The following AXIN1 variants were observed in gnomAD, a reference collection of about 807,000 sequenced individuals.
The protein encoded by AXIN1 is axin-1.
Under a neutral mutation model 76.4 loss-of-function variants are expected in AXIN1, and 30 were observed. The observed-to-expected ratio is 0.39, with a 90% CI of 0.29 to 0.53. AXIN1 has a LOEUF of 0.53. AXIN1 is among the 20% of genes least tolerant of loss of function. The probability of loss-of-function intolerance (pLI) is 0.66; values close to 1 mark genes in which losing one functional copy is unlikely to be tolerated. For synonymous variants in AXIN1, 545 were observed against 501.4 expected, an observed-to-expected ratio of 1.09 and a Z score of -1.16; for missense variants, 1,140 against 1,198.8, an observed-to-expected ratio of 0.95 and a Z score of 0.72.
In AXIN1 at chr16:344,476, G is replaced by GTT. The variant is rs1170609308; in HGVS notation, c.878+1670_878+1671dup. ...CAATTAACCTACACAATCCTTTTTTGTTTTTTTTTTGTTTTTTTTCTGAGA... is the reference window on the plus strand; with the variant it reads ...CAATTAACCTACACAATCCTTTTTTGTTTTTTTTTTTTGTTTTTTTTCTGAGA... On this transcript the variant is annotated intron_variant, in intron 2 of 10. Transcript: ENST00000262320. Among the ~76,000 whole-genome samples, 152 of 88,926 alleles carry GTT rather than the reference G, an allele frequency of 1.7e-3. 3 individuals carry two copies. The South Asian group carries it at 0.02, about 12-fold the overall frequency. The allele number at this position is 88,926 out of a possible 152,430, so 58.3% of individuals were successfully genotyped here.
rs2141702028 is a variant in AXIN1 at position 346,336 on chromosome 16, T to C, written c.690A>G (p.Thr230=). The C allele has an allele frequency of 6.2e-7, 1 of 1,614,232 alleles. No individual in the cohort carries two copies. The change falls in exon 2 of 11, where the codon ACA becomes ACG. Residue 230 remains threonine, a synonymous_variant. Transcript: ENST00000262320. ...VCSDQSSGSG[T]GKGISGYLPT... ...GCAGGTATCCAGATATGCCCTTCCC[T>C]GTCCCTGACCCAGAGCTCTGGTCAC...
chr16:291,355 G>C (rs1166315090), intron 8 of AXIN1, 58 bp from the exon 9 acceptor site: 4 of 1,429,846 alleles, frequency 2.8e-6, no homozygotes. Flanking sequence ...CCTGGGGAGG[G>C]AGCCTCGACC....
intron 2 of AXIN1, among the ~76,000 whole-genome samples, chr16:321,031 C>T (rs1034426575): frequency 6.6e-6 from 1 of 152,106 alleles, no homozygotes; most frequent in African/African-American, 2.4e-5. Context: ...AGCCACTGCG[C>T]CTGCCCACAA....
chr16:297,786 T>C lies in AXIN1; in HGVS notation c.1720A>G (p.Arg574Gly), dbSNP rs2052755649. ...WGLEPHSHGA[R>G]SRGYSESVGA... ...ACACTCTCTGAGTAGCCTCGGGACC[T>C]TGCCCCATGGCTGTGTGGTTCCAGG... The change falls in exon 6 of 11, where the codon AGG becomes GGG. Residue 574 changes from arginine to glycine, a missense_variant. By Grantham distance (125) the Arg-to-Gly change is moderately radical. Coordinates refer to ENST00000262320, the MANE Select transcript of AXIN1 (RefSeq NM_003502.4). 5 of 1,571,392 alleles carry C rather than the reference T, an allele frequency of 3.2e-6. No homozygotes were observed. The highest frequency in any genetic ancestry group is 4.3e-6 in the Non-Finnish European group (5 of 1,158,206).
chr16:320,893 C>T (rs995766636), intron 2 of AXIN1, among the ~76,000 whole-genome samples: 24 of 151,628 alleles, frequency 1.6e-4, no homozygotes, highest in African/African-American at 5.3e-4. Context: ...GCACACGTCA[C>T]CACGCCCGGC....
chr16:346,106 C>T (rs776076606), intron 2 of AXIN1, 42 bp downstream of exon 2: 67 of 1,594,126 alleles, frequency 4.2e-5, no homozygotes, highest in African/African-American at 3.5e-4. Context: ...CTCCAGCTCT[C>T]GGAGGTGAGT....
intron 2 of AXIN1, among the ~76,000 whole-genome samples, chr16:336,030 T>C (rs1013039486): frequency 6.6e-6 from 1 of 151,632 alleles, no homozygotes; most frequent in Non-Finnish European, 1.5e-5. Context: ...AGGTCAGGAG[T>C]TCGAGACCAG....
intron 3 of AXIN1, among the ~76,000 whole-genome samples, chr16:310,920 C>T (rs969403819): frequency 2.0e-5 from 3 of 152,384 alleles, no homozygotes; most frequent in Admixed American, 6.5e-5. Context: ...CAACCAGTGC[C>T]CCACGGAAAG....
At chr16:290,633 G>C (rs929375685) in intron 9 of AXIN1, 1 of 182,224 alleles carries the variant, frequency 5.5e-6, no homozygotes, top group Non-Finnish European at 1.2e-5. Flanking sequence ...AGCACATAAA[G>C]GCGCCGTCGA....
chr16:308,572 C>T (rs1307558068), intron 4 of AXIN1, among the ~76,000 whole-genome samples: 3 of 152,242 alleles, frequency 2.0e-5, no homozygotes, highest in Admixed American at 6.5e-5. Flanking sequence ...TCTTGTCTCT[C>T]GGGCCTCCGT....
chr16:291,776 C>G (rs2052567367), intron 8 of AXIN1: 2 of 277,424 alleles, frequency 7.2e-6, no homozygotes, highest in Admixed American at 4.9e-5. Context: ...CACAGCAGCT[C>G]CTCTCACGTG....
chr16:347,167 G>A (rs1401473330), intron 1 of AXIN1, 61 bp from the exon 2 acceptor site: 4 of 1,471,556 alleles, frequency 2.7e-6, no homozygotes, highest in South Asian at 1.2e-5. Flanking sequence ...CACGACCAGA[G>A]GTTTTCTCAA....
chr16:287,986 C>A lies in AXIN1; in HGVS notation c.*136G>T. On this transcript the variant is annotated 3_prime_UTR_variant, in exon 11 of 11. Coordinates refer to ENST00000262320, the MANE Select transcript of AXIN1 (RefSeq NM_003502.4). Reference sequence around the variant, plus strand: ...GGGACCCCCTACCTGCCTCTAGACACGGGTAGACCACAGGGATGGGTGGTA... The same window carrying A: ...GGGACCCCCTACCTGCCTCTAGACAAGGGTAGACCACAGGGATGGGTGGTA... 1 of 1,467,492 alleles carries A rather than the reference C, an allele frequency of 6.8e-7. No individual in the cohort carries two copies. Among genetic ancestry groups the A allele is most frequent in the South Asian group, 1.1e-5 (1 of 87,466 alleles). 90.9% of individuals were successfully genotyped at this position (1,467,492 alleles called of 1,614,324 possible). A position where few individuals can be genotyped will look rare whatever the true frequency, so the allele number is the denominator to read the frequency against.
At chr16:339,668 CA>C (rs1567302654) in intron 2 of AXIN1, among the ~76,000 whole-genome samples, 1 of 150,806 alleles carries the variant, frequency 6.6e-6, no homozygotes, top group Non-Finnish European at 1.5e-5. Context: ...TGTGACAGAG[CA>C]AGACTGTCTA....
At chr16:334,175 C>G (rs2053753387) in intron 2 of AXIN1, among the ~76,000 whole-genome samples, 1 of 147,498 alleles carries the variant, frequency 6.8e-6, no homozygotes, top group South Asian at 2.2e-4. Flanking sequence ...CCATGGCACA[C>G]CAATAACAGC....
In AXIN1 at chr16:346,196, G is replaced by A. The variant is rs770419586; in HGVS notation, c.830C>T (p.Ala277Val). The A allele has an allele frequency of 1.9e-6, 3 of 1,613,848 alleles. No homozygotes were observed. The highest frequency in any genetic ancestry group is 2.7e-5 in the African/African-American group (2 of 74,932). ...CCGTCTACTGGAGGAGACCCTCGGG[G>A]CAGCTGTCTCCAGGAGCAGCTTCTG... ...LPQKLLLETA[A>V]PRVSSSRRYS... Residue 277 changes from alanine to valine, a missense_variant, in exon 2 of 11, where the codon GCC (alanine) becomes GTC (valine). Physicochemically the swap from Ala to Val is moderately conservative, Grantham distance 64 (BLOSUM62 0). Around this residue, in one of 3 missense-constraint regions of AXIN1, gnomAD observed 708 missense variants for 776.9 expected, o/e 0.91. Coordinates refer to ENST00000262320, the MANE Select transcript of AXIN1 (RefSeq NM_003502.4).
chr16:322,404 G>A (rs2053479216), intron 2 of AXIN1, among the ~76,000 whole-genome samples: 1 of 152,206 alleles, frequency 6.6e-6, no homozygotes, highest in Non-Finnish European at 1.5e-5. Flanking sequence ...GTGCACCTGT[G>A]CTCAGGTATG....
intron 2 of AXIN1, among the ~76,000 whole-genome samples, chr16:329,893 A>T (rs1305970164): frequency 6.7e-6 from 1 of 149,400 alleles, no homozygotes; most frequent in Non-Finnish European, 1.5e-5. Flanking sequence ...TCAGCCTCCC[A>T]GAGTGCTGGG....
chr16:311,567 C>G (rs1053376038), intron 3 of AXIN1, among the ~76,000 whole-genome samples: 3 of 151,292 alleles, frequency 2.0e-5, no homozygotes, highest in Non-Finnish European at 3.0e-5. Context: ...GTCAGGAGAT[C>G]GAGACCATCC....
Sources: allele counts gnomAD v4.1 joint callset (sites outside exome capture counted in the v4.1 genomes callset), GRCh38; gene constraint gnomAD v4.1.1; regional missense constraint gnomAD v4.1.1; transcripts MANE v1.5; gene names NCBI Gene and HGNC (gene_info 2026-07-23, HGNC 2026-07-21).